Variants in NOXA1 observed in about 807,000 individuals in gnomAD.
NOXA1 encodes NCF2-like protein.
NOXA1 carries 56 observed loss-of-function variants against 64.8 expected under a neutral mutation model. That is an observed-to-expected ratio of 0.86 (90% CI 0.70 to 1.08). The LOEUF (loss-of-function observed/expected upper bound fraction) is 1.08, where lower values mean the gene tolerates loss of function less well. Among genes scored for constraint, NOXA1 ranks in the 50% least tolerant of loss-of-function variants. The pLI is 0.00. For synonymous variants in NOXA1, 295 were observed against 294.8 expected (o/e 1.00, Z -0.01); for missense variants, 668 against 658.5 (o/e 1.01, Z -0.16).
rs953881310 is a variant in NOXA1, at chr9:137,433,803, C to T, written c.1118C>T (p.Ser373Leu). ...GHWVPIPEEE[S>L]LQRAWQDAAA... is the part of the protein sequence containing the mutation. ...TGGGTCCCCATCCCCGAGGAGGAGT[C>T]GCTGCAGAGGGCCTGGCAGGACGCA... is the stretch of plus-strand genomic sequence containing the variant. The change falls in exon 12 of 14, where the codon TCG becomes TTG. Residue 373 changes from serine to leucine, a missense_variant. Transcript: ENST00000683555. 28 of 1,453,138 alleles carry T rather than the reference C, an allele frequency of 1.9e-5. No homozygotes were observed. The highest frequency in any genetic ancestry group is 7.5e-5 in the East Asian group (3 of 40,038). The allele number at this position is 1,453,138 out of a possible 1,614,324, so 90.0% of individuals were successfully genotyped here. A position where few individuals can be genotyped will look rare whatever the true frequency, so the allele number is the denominator to read the frequency against.
rs772124502 is a variant in NOXA1, at chr9:137,429,280, G to T, written c.509G>T (p.Arg170Leu). 3.2e-5 allele frequency: 50 copies of T among 1,553,680 alleles called. No individual in the cohort carries two copies. In the South Asian group the frequency reaches 5.5e-4, roughly 17 times the overall value. Residue 170 changes from arginine (R) to leucine (L), a missense_variant, in exon 5 of 14, where the codon CGG becomes CTG. Physicochemically the swap from Arg to Leu is moderately radical, Grantham distance 102. Transcript: ENST00000683555. ...CTGGATACCCACCCCCTCCAGAGAC[G>T]GGGCTCACTGCCGCCACGGCAGGTC... ...LDSALDQVQRRGSLPPRQVPR... is the reference protein window; with the variant it reads ...LDSALDQVQRLGSLPPRQVPR...
chr9:137,426,214 G>A (rs779286462), intron 1 of NOXA1, 34 bp from the exon 2 acceptor site: 35 of 1,588,808 alleles, frequency 2.2e-5, no homozygotes, highest in Non-Finnish European at 2.9e-5. Context: ...CCAGGTTACA[G>A]ACCTTGGCAT....
At chr9:137,433,394 C>G in intron 10 of NOXA1, 59 bp from the exon 11 acceptor site, 7 of 1,536,226 alleles carry the variant, frequency 4.6e-6, no homozygotes, top group Non-Finnish European at 6.1e-6. Context: ...GGGCTGAAGA[C>G]GGCCCTGACC....
At chr9:137,426,119 C>A in intron 1 of NOXA1, 129 bp from the exon 2 acceptor site, 1 of 792,538 alleles carries the variant, frequency 1.3e-6, no homozygotes, top group Non-Finnish European at 2.2e-6. Flanking sequence ...TGGACAGGAG[C>A]AGGAGGGGCT....
At chr9:137,426,079 C>A (rs113897399) in intron 1 of NOXA1, among the ~76,000 whole-genome samples, 169 bp from the exon 2 acceptor site, 10 of 152,236 alleles carry the variant, frequency 6.6e-5, no homozygotes, top group African/African-American at 2.2e-4. Context: ...GTGGCGACAG[C>A]CCTGCCCAGG....
At chr9:137,430,510 A>G (rs1179897362) in intron 5 of NOXA1, among the ~76,000 whole-genome samples, 1 of 152,260 alleles carries the variant, frequency 6.6e-6, no homozygotes, top group Non-Finnish European at 1.5e-5. Flanking sequence ...GTGTTAATGC[A>G]TTAACTTAGA....
At chr9:137,426,425 C>G in intron 2 of NOXA1, 95 bp downstream of exon 2, 1 of 1,046,948 alleles carries the variant, frequency 9.6e-7, no homozygotes, top group South Asian at 1.3e-5. Flanking sequence ...TCCATCCACT[C>G]CCTCCTCTTG....
At chr9:137,427,251 AGAT>A (rs905357265) in intron 2 of NOXA1, among the ~76,000 whole-genome samples, 5 of 152,132 alleles carry the variant, frequency 3.3e-5, no homozygotes, top group African/African-American at 4.8e-5. Context: ...AACTACGAGC[AGAT>A]GAACAGTGCT....
intron 2 of NOXA1, among the ~76,000 whole-genome samples, chr9:137,427,819 A>G (rs921538539): frequency 2.6e-5 from 4 of 152,166 alleles, no homozygotes; most frequent in Non-Finnish European, 5.9e-5. Context: ...GTGGAGCCCC[A>G]GCACACAGTG....
At chr9:137,428,700 CGGGGGAGAAGCCAGGTGGGGGGACT>C (rs1838949517) in intron 3 of NOXA1, among the ~76,000 whole-genome samples, 157 bp from the exon 4 acceptor site, 1 of 124,748 alleles carries the variant, frequency 8.0e-6, no homozygotes, top group Non-Finnish European at 1.7e-5. Context: ...GGTGGGGAGA[CGGGGGAGAAGCCAGGTGGGGGGACT>C]GGGGGAGAGG....
chr9:137,427,915 C>T, intron 2 of NOXA1, 118 bp from the exon 3 acceptor site: 1 of 674,544 alleles, frequency 1.5e-6, no homozygotes, highest in Admixed American at 2.3e-5. Context: ...CACTGCCCTC[C>T]CTCAGGTCTC....
rs559401223 is a variant in NOXA1, at chr9:137,424,983, G to A, written c.178-1265G>A. Among the ~76,000 whole-genome samples the A allele has an allele frequency of 3.9e-5, 6 of 152,308 alleles. No individual in the cohort carries two copies. The East Asian group carries it at 1.2e-3, about 29-fold the overall frequency. ...GATTCATAAAGCCGATCACGTGAGG[G>A]GCAGCCCAGGGTGCAGAGGGTGTCG... On this transcript the variant is annotated intron_variant, in intron 1 of 13. Transcript: ENST00000683555.
At chr9:137,428,194 G>A (rs370215415) in intron 3 of NOXA1, 53 bp downstream of exon 3, 2 of 1,297,258 alleles carry the variant, frequency 1.5e-6, no homozygotes, top group South Asian at 1.3e-5. Flanking sequence ...TCCACGGGCG[G>A]TGGCACTGTC....
intron 8 of NOXA1, among the ~76,000 whole-genome samples, chr9:137,432,315 C>T (rs539971319): frequency 6.8e-6 from 1 of 148,114 alleles, no homozygotes; most frequent in South Asian, 2.2e-4. Flanking sequence ...CGAAGTGGCT[C>T]ACGCCTGTAA....
In NOXA1 at chr9:137,428,213, G is replaced by A. The variant is rs73668296; in HGVS notation, c.369+72G>A. 1,276 of 1,132,924 alleles carry A rather than the reference G, an allele frequency of 1.1e-3. 16 individuals carry two copies. In the African/African-American group the frequency reaches 0.018, roughly 16 times the overall value. 70.2% of individuals were successfully genotyped at this position (1,132,924 alleles called of 1,614,324 possible). ...CGGGCGGTGGCACTGTCACAGGAGG[G>A]CCCTGTGGACTGGGGAGCGCCTCTG... On this transcript the variant is annotated intron_variant, in intron 3 of 13. Transcript: ENST00000683555.
In NOXA1 at chr9:137,425,926, C is replaced by T. The variant is rs538168615; in HGVS notation, c.178-322C>T. Among the ~76,000 whole-genome samples the T allele has an allele frequency of 3.7e-4, 56 of 152,262 alleles. 1 individual carries two copies. Among genetic ancestry groups the T allele is most frequent in the Admixed American group, 2.6e-3 (39 of 15,292 alleles). The stretch of plus-strand genomic sequence containing the variant: ...AAAAATCTTGCATAACCCCACTCCC[C>T]AGAGGTAACTATTATTAACATACTG... On this transcript the variant is annotated intron_variant, in intron 1 of 13. Transcript: ENST00000683555.
chr9:137,425,340 T>C (rs1200582000), intron 1 of NOXA1, among the ~76,000 whole-genome samples: 1 of 152,230 alleles, frequency 6.6e-6, no homozygotes, highest in Non-Finnish European at 1.5e-5. Context: ...CTGATTCTAA[T>C]AGATTTCTAG....
At chr9:137,430,997 C>T (rs1335720835) in intron 6 of NOXA1, 78 bp from the exon 7 acceptor site, 2 of 1,607,780 alleles carry the variant, frequency 1.2e-6, no homozygotes, top group Admixed American at 1.7e-5. Flanking sequence ...CCTGGGGAAA[C>T]CACTCTTCAA....
chr9:137,428,556 A>C (rs891249945), intron 3 of NOXA1, among the ~76,000 whole-genome samples: 5 of 151,398 alleles, frequency 3.3e-5, no homozygotes, highest in South Asian at 2.1e-4. Flanking sequence ...ATTGTCTTTT[A>C]GGACAAAAAG....
Sources: allele counts gnomAD v4.1 joint callset (sites outside exome capture counted in the v4.1 genomes callset), GRCh38; gene constraint gnomAD v4.1.1; transcripts MANE v1.5; gene names NCBI Gene and HGNC (gene_info 2026-07-23, HGNC 2026-07-21).